CSMD1: variants seen among roughly 807,000 people sequenced by gnomAD.
The protein encoded by CSMD1 is CUB and Sushi multiple domains 1.
Under a neutral mutation model 417.5 loss-of-function variants are expected in CSMD1, and 213 were observed. The observed-to-expected ratio is 0.51, with a 90% CI of 0.46 to 0.57. The LOEUF is 0.57. Ranked by LOEUF, CSMD1 falls within the 20% of genes least tolerant of loss-of-function variation. The pLI, the probability that CSMD1 is intolerant of heterozygous loss-of-function variation, is 0.00. For missense variants in CSMD1, 6,923 were observed against 4,529.7 expected, an observed-to-expected ratio of 1.53 and a Z score of -15.17; for synonymous variants, 2,862 against 1,736.8, an observed-to-expected ratio of 1.65 and a Z score of -16.11.
In CSMD1 at chr8:4,284,228, C is replaced by T. The variant is rs140246487; in HGVS notation, c.415+135725G>A. Among the ~76,000 whole-genome samples, 1,314 of 152,136 alleles carry T rather than the reference C, an allele frequency of 8.6e-3. 16 individuals carry two copies. Among genetic ancestry groups the T allele is most frequent in the African/African-American group, 0.03 (1,234 of 41,494 alleles). On this transcript the variant is annotated intron_variant, in intron 3 of 69. Transcript: ENST00000635120. ...ACTAAAAATACAAAAATTAGCTGGG[C>T]GTGGTGGCACGTGCCTGTAATGTTA...
At chr8:3,174,939 T>C (rs73493904) in intron 37 of CSMD1, among the ~76,000 whole-genome samples, 1,960 of 152,320 alleles carry the variant, frequency 0.013, 45 homozygotes, top group African/African-American at 0.045. Flanking sequence ...GAGATCTTAT[T>C]TGTTCATGAC....
At chr8:3,340,896 A>T (rs1220322692) in intron 23 of CSMD1, among the ~76,000 whole-genome samples, 1 of 152,200 alleles carries the variant, frequency 6.6e-6, no homozygotes, top group African/African-American at 2.4e-5. Flanking sequence ...GGAGAACAAG[A>T]AAATTACTCC....
chr8:2,987,830 A>G (rs1806058257), intron 54 of CSMD1, among the ~76,000 whole-genome samples: 1 of 152,142 alleles, frequency 6.6e-6, no homozygotes, highest in Admixed American at 6.5e-5. Flanking sequence ...GCTCTTGACA[A>G]GCTCCTTCCC....
At chr8:3,408,843 C>T (rs992965912) in intron 13 of CSMD1, among the ~76,000 whole-genome samples, 1 of 152,052 alleles carries the variant, frequency 6.6e-6, no homozygotes, top group Non-Finnish European at 1.5e-5. Context: ...GGATTTATCT[C>T]TAGAATACAT....
intron 1 of CSMD1, among the ~76,000 whole-genome samples, chr8:4,941,424 G>A (rs1339085717): frequency 6.6e-6 from 1 of 152,096 alleles, no homozygotes; most frequent in Non-Finnish European, 1.5e-5. Flanking sequence ...TACCAACAGT[G>A]TTTATATAGG....
At chr8:4,798,761 A>C (rs1178100430) in intron 1 of CSMD1, among the ~76,000 whole-genome samples, 1 of 152,248 alleles carries the variant, frequency 6.6e-6, no homozygotes, top group Non-Finnish European at 1.5e-5. Flanking sequence ...CATTATGCTG[A>C]TAAAAACCTC....
intron 7 of CSMD1, among the ~76,000 whole-genome samples, chr8:3,658,864 C>T (rs1798263657): frequency 6.6e-6 from 1 of 152,080 alleles, no homozygotes; most frequent in African/African-American, 2.4e-5. Context: ...CTCCTAATTC[C>T]AGGGGATGTT....
At chr8:3,031,055 G>A (rs901834141) in intron 50 of CSMD1, among the ~76,000 whole-genome samples, 1 of 151,770 alleles carries the variant, frequency 6.6e-6, no homozygotes, top group Admixed American at 6.6e-5. Context: ...AGATTCAAAT[G>A]TTTAACCTAA....
intron 23 of CSMD1, among the ~76,000 whole-genome samples, chr8:3,327,302 C>A (rs969220982): frequency 2.0e-5 from 3 of 152,088 alleles, no homozygotes; most frequent in South Asian, 2.1e-4. Context: ...ACCACCACAT[C>A]TGGCTAATTT....
chr8:4,126,729 T>A (rs557131971), intron 3 of CSMD1, among the ~76,000 whole-genome samples: 1 of 152,330 alleles, frequency 6.6e-6, no homozygotes, highest in South Asian at 2.1e-4. Flanking sequence ...TCCTCTCCGT[T>A]TGAAAAGCCA....
intron 1 of CSMD1, among the ~76,000 whole-genome samples, chr8:4,845,940 G>A (rs534628438): frequency 1.3e-5 from 2 of 152,168 alleles, no homozygotes; most frequent in African/African-American, 2.4e-5. Context: ...TGCCTATTTT[G>A]CATACACTTA....
intron 5 of CSMD1, among the ~76,000 whole-genome samples, chr8:3,771,420 T>C (rs896856418): frequency 5.9e-5 from 9 of 152,204 alleles, no homozygotes; most frequent in Non-Finnish European, 7.3e-5. Context: ...AAAATGCTTT[T>C]TGCAGATGAT....
rs373980596 is a variant in CSMD1, at chr8:4,322,645, G to A, written c.415+97308C>T. Among the ~76,000 whole-genome samples the A allele has an allele frequency of 4.6e-5, 7 of 150,944 alleles. No homozygotes were observed. The East Asian group carries it at 7.7e-4, about 17-fold the overall frequency. On this transcript the variant is annotated intron_variant, in intron 3 of 69. Coordinates refer to ENST00000635120, the MANE Select transcript of CSMD1 (RefSeq NM_033225.6). ...CTGGACATATTTGAGAAAAATCTAA[G>A]AATAATCACTGTCTACAGAATATTG...
intron 3 of CSMD1, among the ~76,000 whole-genome samples, chr8:4,322,628 A>AT (rs571806379): frequency 1.8e-4 from 28 of 152,208 alleles, no homozygotes; most frequent in Non-Finnish European, 3.7e-4. Context: ...TGCTGGACAT[A>AT]TTTGAGAAAA....
At chr8:3,974,846 A>G (rs1813323763) in intron 5 of CSMD1, among the ~76,000 whole-genome samples, 1 of 152,148 alleles carries the variant, frequency 6.6e-6, no homozygotes, top group African/African-American at 2.4e-5. Flanking sequence ...TTACCAGAGT[A>G]AGATATAAAA....
chr8:3,951,650 AT>A (rs569527472), intron 5 of CSMD1, among the ~76,000 whole-genome samples: 183 of 152,282 alleles, frequency 1.2e-3, no homozygotes, highest in Non-Finnish European at 2.1e-3. Flanking sequence ...AAAGGTTAAA[AT>A]TTTTTAAAAA....
chr8:4,275,412 T>G (rs899235107), intron 3 of CSMD1, among the ~76,000 whole-genome samples: 1 of 152,142 alleles, frequency 6.6e-6, no homozygotes, highest in Non-Finnish European at 1.5e-5. Flanking sequence ...CAAAGGAGAA[T>G]AAATACATTG....
Position 2,998,099 on chromosome 8 carries a change from G to C in CSMD1, c.8289C>G (p.Thr2763=), listed in dbSNP as rs1363889181. ...EFNLNDVVNF[T]CNTGYLLQGV... ...CCTGCAGCAAATAGCCCGTGTTGCAGGTGAAATTCACGACATCATTCAGGT... is the reference window on the plus strand; with the variant it reads ...CCTGCAGCAAATAGCCCGTGTTGCACGTGAAATTCACGACATCATTCAGGT... Residue 2763 remains threonine (T), a synonymous_variant, in exon 54 of 70, where the codon ACC becomes ACG. Coordinates refer to ENST00000635120, the MANE Select transcript of CSMD1 (RefSeq NM_033225.6). The C allele has an allele frequency of 6.2e-7, 1 of 1,614,016 alleles. No homozygotes were observed. The highest frequency in any genetic ancestry group is 8.5e-7 in the Non-Finnish European group (1 of 1,179,878).
intron 1 of CSMD1, among the ~76,000 whole-genome samples, chr8:4,874,194 T>A (rs919340449): frequency 6.6e-6 from 1 of 152,106 alleles, no homozygotes; most frequent in Non-Finnish European, 1.5e-5. Context: ...ACAATGAACA[T>A]GTGTGATTAA....
Sources: gnomAD v4.1 joint callset for allele counts (sites outside exome capture counted in the v4.1 genomes callset) on GRCh38, gnomAD v4.1.1 for gene constraint, MANE v1.5 for transcripts, NCBI Gene and HGNC (gene_info 2026-07-23, HGNC 2026-07-21) for gene names.